The following DOCK11 variants were observed in gnomAD, a reference collection of about 807,000 sequenced individuals.
DOCK11 encodes the protein dedicator of cytokinesis protein 11.
In DOCK11, 70 loss-of-function variants were observed where a neutral mutation model predicts 169.1. That is an observed-to-expected ratio of 0.41 (90% CI 0.34 to 0.51). DOCK11 has a LOEUF of 0.51. DOCK11 is among the 20% of genes least tolerant of loss of function. The pLI is 0.10. For missense variants in DOCK11, 1,166 were observed against 1,538.8 expected (o/e 0.76, Z 4.05); for synonymous variants, 529 against 541.3 (o/e 0.98, Z 0.32).
At position 118,662,673 on chromosome X, in the gene DOCK11, T is replaced by C; in HGVS notation, c.4970-13T>C. On this transcript the variant is annotated splice_polypyrimidine_tract_variant and intron_variant, in intron 44 of 52. Transcript: ENST00000276202. ...CTCATAAATTCACTCCACTGTTTTT[T>C]TTATTCACACAGAATTATTTCCTAA... is the stretch of plus-strand genomic sequence containing the variant. 3 of 1,059,346 alleles carry C rather than the reference T, an allele frequency of 2.8e-6. No individual in the cohort carries two copies. The highest frequency in any genetic ancestry group is 4.0e-6 in the Non-Finnish European group (3 of 759,252). The allele number at this position is 1,059,346 out of a possible 1,213,427, so 87.3% of individuals were successfully genotyped here. A position where few individuals can be genotyped will look rare whatever the true frequency, so the allele number is the denominator to read the frequency against.
At chrX:118,560,757 C>T (rs984324858) in intron 6 of DOCK11, among the ~76,000 whole-genome samples, 8 of 111,634 alleles carry the variant, frequency 7.2e-5, no homozygotes, top group Non-Finnish European at 1.1e-4. Flanking sequence ...CAACAGGCTA[C>T]TCCTTAACTA....
chrX:118,616,550 GTT>G (rs367867715), intron 30 of DOCK11, among the ~76,000 whole-genome samples: 1 of 105,284 alleles, frequency 9.5e-6, no homozygotes, highest in East Asian at 2.9e-4. Flanking sequence ...TTTTGTTTTT[GTT>G]TTTTTTTTGT....
At position 118,590,134 on chromosome X, in the gene DOCK11, T is replaced by TA. The variant is rs753619128; in HGVS notation, c.2047-74dup. 6.6e-5 allele frequency: 61 copies of TA among 922,773 alleles called. No individual in the cohort carries two copies. The African/African-American group carries it at 1.1e-3, about 17-fold the overall frequency. The allele number at this position is 922,773 out of a possible 1,213,427, so 76.0% of individuals were successfully genotyped here. A position where few individuals can be genotyped will look rare whatever the true frequency, so the allele number is the denominator to read the frequency against. On this transcript the variant is annotated intron_variant, in intron 18 of 52. Coordinates refer to ENST00000276202, the MANE Select transcript of DOCK11 (RefSeq NM_144658.4). ...ATGGCCCTATAGTCACAGATGCCTC[T>TA]AACTATATGTGGTTCCATGGCATCA...
intron 40 of DOCK11, among the ~76,000 whole-genome samples, chrX:118,647,577 CAT>C (rs1274637916): frequency 1.3e-4 from 7 of 55,395 alleles, no homozygotes; most frequent in East Asian, 4.9e-4. Flanking sequence ...AATATATTAA[CAT>C]ATAATATATC....
At chrX:118,670,550 A>G (rs1262985620) in intron 45 of DOCK11, among the ~76,000 whole-genome samples, 3 of 111,765 alleles carry the variant, frequency 2.7e-5, no homozygotes, top group Non-Finnish European at 5.6e-5. Context: ...ATTTAAAAAA[A>G]CATCGAATCA....
At position 118,593,329 on chromosome X, in the gene DOCK11, A is replaced by G; in HGVS notation, c.2255A>G (p.Glu752Gly). Residue 752 changes from glutamate to glycine, a missense_variant, in exon 20 of 53, where the codon GAA becomes GGA. By Grantham distance (98) the Glu-to-Gly change is moderately conservative. Transcript: ENST00000276202. ...ACAACCAAAAAGCAAGACACAGTTG[A>G]AACTCCAGGTACGTGTTCTCTTTAA... Reference protein sequence around the residue: ...KGTTKKQDTVETPVGFAWVPL... With the variant: ...KGTTKKQDTVGTPVGFAWVPL... 1 of 1,203,010 alleles carries G rather than the reference A, an allele frequency of 8.3e-7. No homozygotes were observed. The highest frequency in any genetic ancestry group is 2.2e-5 in the Admixed American group (1 of 45,022).
chrX:118,623,006 G>A (rs1346124770), intron 31 of DOCK11, among the ~76,000 whole-genome samples: 1 of 111,896 alleles, frequency 8.9e-6, no homozygotes, highest in Admixed American at 9.5e-5. Context: ...ACCTAAGGTT[G>A]GGAGTTCGAG....
chrX:118,673,597 A>G (rs2016539380), intron 46 of DOCK11, among the ~76,000 whole-genome samples: 1 of 112,290 alleles, frequency 8.9e-6, no homozygotes, highest in South Asian at 3.7e-4. Context: ...GCTCAATTAT[A>G]AAAGATAATA....
In DOCK11 at chrX:118,685,690, A is replaced by T; in HGVS notation, c.6105A>T (p.Ile2035=). 8.3e-7 allele frequency: 1 copy of T among 1,208,406 alleles called. No homozygotes were observed. Among genetic ancestry groups the T allele is most frequent in the East Asian group, 3.0e-5 (1 of 33,751 alleles). ...CATGCTGATTTCTTCTGTTTTAGATATTACAAGAAGACACAATGCATTCTC... is the reference window on the plus strand; with the variant it reads ...CATGCTGATTTCTTCTGTTTTAGATTTTACAAGAAGACACAATGCATTCTC... ...KELSDIIHEQ[I]LQEDTMHSPW... Residue 2035 remains isoleucine, a splice_region_variant and synonymous_variant, in exon 53 of 53, where the codon ATA becomes ATT. Transcript: ENST00000276202.
intron 49 of DOCK11, 36 bp downstream of exon 49, chrX:118,680,728 C>A: frequency 9.2e-7 from 1 of 1,088,866 alleles, no homozygotes; most frequent in Non-Finnish European, 1.2e-6. Context: ...TCTTATTTGT[C>A]TTGGTCTTTT....
At chrX:118,571,883 T>G (rs2013286453) in intron 10 of DOCK11, among the ~76,000 whole-genome samples, 1 of 111,926 alleles carries the variant, frequency 8.9e-6, no homozygotes, top group Non-Finnish European at 1.9e-5. Context: ...GCCATACAGC[T>G]ATCTGAGGGA....
intron 40 of DOCK11, among the ~76,000 whole-genome samples, chrX:118,646,077 CACA>C (rs1171331944): frequency 2.1e-3 from 149 of 70,456 alleles, no homozygotes; most frequent in African/African-American, 5.2e-3. Flanking sequence ...AAAAAAAAAA[CACA>C]ACAACAACAA....
chrX:118,615,501 C>CTAAG (rs1421876270), intron 29 of DOCK11, 99 bp from the exon 30 acceptor site: 1 of 652,269 alleles, frequency 1.5e-6, no homozygotes, highest in African/African-American at 2.2e-5. Context: ...GCTTAGAATA[C>CTAAG]TAAGCACTTC....
intron 20 of DOCK11, among the ~76,000 whole-genome samples, chrX:118,593,628 C>G (rs1295989514): frequency 9.0e-6 from 1 of 111,150 alleles, no homozygotes; most frequent in Admixed American, 9.6e-5. Flanking sequence ...AGCAGAAACC[C>G]CTGATAAACC....
Position 118,604,612 on chromosome X carries a change from C to T in DOCK11, c.2563-626C>T, listed in dbSNP as rs750197841. On this transcript the variant is annotated intron_variant, in intron 23 of 52. Transcript: ENST00000276202. ...GGGAAGAAAGAAGAAAGAAATTGAACAACTTTCACTGTTTGTATTATTTCT... is the reference window on the plus strand; with the variant it reads ...GGGAAGAAAGAAGAAAGAAATTGAATAACTTTCACTGTTTGTATTATTTCT... Among the ~76,000 whole-genome samples, 7 of 87,141 alleles carry T rather than the reference C, an allele frequency of 8.0e-5. No individual in the cohort carries two copies. In the South Asian group the frequency reaches 4.7e-3, roughly 58 times the overall value. 75.7% of individuals were successfully genotyped at this position (87,141 alleles called of 115,157 possible). A position where few individuals can be genotyped will look rare whatever the true frequency, so the allele number is the denominator to read the frequency against.
chrX:118,672,709 A>G (rs1276636465), intron 46 of DOCK11, among the ~76,000 whole-genome samples: 3 of 113,267 alleles, frequency 2.6e-5, no homozygotes, highest in Non-Finnish European at 5.6e-5. Flanking sequence ...TGCTGGGATT[A>G]CAGGCGTGAG....
chrX:118,549,949 G>C (rs2012436296), intron 6 of DOCK11, among the ~76,000 whole-genome samples: 1 of 111,607 alleles, frequency 9.0e-6, no homozygotes, highest in Non-Finnish European at 1.9e-5. Context: ...TTCTGGTTAT[G>C]AGTTTCCTTT....
chrX:118,616,202 A>AT (rs1235643943), intron 30 of DOCK11: 11 of 954,862 alleles, frequency 1.2e-5, no homozygotes, highest in Non-Finnish European at 1.5e-5. Flanking sequence ...TATTAATTAG[A>AT]TTTTTTTTCA....
chrX:118,586,212 G>A (rs2013808386), intron 16 of DOCK11, among the ~76,000 whole-genome samples: 1 of 111,533 alleles, frequency 9.0e-6, no homozygotes, highest in Non-Finnish European at 1.9e-5. Context: ...GTGACAGATA[G>A]TATGCAAGCA....
Sources: gnomAD v4.1 joint callset for allele counts (sites outside exome capture counted in the v4.1 genomes callset) on GRCh38, gnomAD v4.1.1 for gene constraint, MANE v1.5 for transcripts, NCBI Gene and HGNC (gene_info 2026-07-23, HGNC 2026-07-21) for gene names.